C1orf56: variants seen among roughly 807,000 people sequenced by gnomAD.
The protein encoded by C1orf56 is chromosome 1 open reading frame 56, also known as protein MENT.
A neutral mutation model predicts 20.7 loss-of-function variants in C1orf56; 14 were observed. That is an observed-to-expected ratio of 0.68 (90% confidence interval 0.45 to 1.06). The LOEUF is 1.06. Ranked by LOEUF, C1orf56 falls within the 50% of genes least tolerant of loss-of-function variation. C1orf56 has a pLI of 0.00. For synonymous variants in C1orf56, 187 were observed against 194.7 expected (o/e 0.96, Z 0.33); for missense variants, 424 against 451.4 (o/e 0.94, Z 0.55).
chr1:151,050,682 T>C lies in C1orf56; in HGVS notation c.*224T>C. The C allele has an allele frequency of 2.4e-6, 1 of 422,816 alleles. No individual in the cohort carries two copies. The highest frequency in any genetic ancestry group is 4.2e-6 in the Non-Finnish European group (1 of 237,618). 26.2% of individuals were successfully genotyped at this position (422,816 alleles called of 1,614,324 possible). A position where few individuals can be genotyped will look rare whatever the true frequency, so the allele number is the denominator to read the frequency against. ...AGCCTCTGGCTTGTTTTCTACTCCCTGTCCCTCAGGATAAAATGTTGATAT... is the reference window on the plus strand; with the variant it reads ...AGCCTCTGGCTTGTTTTCTACTCCCCGTCCCTCAGGATAAAATGTTGATAT... On this transcript the variant is annotated 3_prime_UTR_variant, in exon 2 of 2. Transcript: ENST00000368926.
rs1287066168 is a variant in C1orf56, at chr1:151,048,329, C to T, written c.482C>T (p.Ser161Phe). ...TSSLPRSPGR[S>F]TEDLPGSQAT... ...AGCCTGCCGCGCTCCCCCGGGAGGT[C>T]TACTGAGGACCTGCCAGGCTCGCAG... The change falls in exon 1 of 2, where the codon TCT (serine) becomes TTT (phenylalanine). Residue 161 changes from serine (S) to phenylalanine (F), a missense_variant. By Grantham distance (155) the Ser-to-Phe change is radical. Transcript: ENST00000368926. This position sits in a 1 kb window ranked among gnomAD's most constrained non-coding sequence, Gnocchi z 4.8. The T allele has an allele frequency of 6.2e-7, 1 of 1,613,988 alleles. No homozygotes were observed. The highest frequency in any genetic ancestry group is 8.5e-7 in the Non-Finnish European group (1 of 1,180,018).
rs771364471 is a variant in C1orf56 at position 151,048,317 on chromosome 1, C to A, written c.470C>A (p.Ser157Tyr). The A allele has an allele frequency of 6.2e-7, 1 of 1,614,124 alleles. No individual in the cohort carries two copies. Among genetic ancestry groups the A allele is most frequent in the East Asian group, 2.2e-5 (1 of 44,874 alleles). ...EIRLTSSLPR[S>Y]PGRSTEDLPG... is the part of the protein sequence containing the mutation. ...AGGCTGACTTCAAGCCTGCCGCGCT[C>A]CCCCGGGAGGTCTACTGAGGACCTG... is the stretch of plus-strand genomic sequence containing the variant. Residue 157 changes from serine to tyrosine, a missense_variant, in exon 1 of 2, where the codon TCC becomes TAC. Physicochemically the swap from Ser to Tyr is moderately radical, Grantham distance 144. Transcript: ENST00000368926. This position sits in a 1 kb window ranked among gnomAD's most constrained non-coding sequence, Gnocchi z 4.8.
Position 151,048,618 on chromosome 1 carries a change from A to G in C1orf56, c.771A>G (p.Arg257=), listed in dbSNP as rs1234936414. 4 of 1,614,178 alleles carry G rather than the reference A, an allele frequency of 2.5e-6. No homozygotes were observed. The highest frequency in any genetic ancestry group is 2.5e-6 in the Non-Finnish European group (3 of 1,180,020). Residue 257 remains arginine, a synonymous_variant, in exon 1 of 2, where the codon CGA becomes CGG. Coordinates refer to ENST00000368926, the MANE Select transcript of C1orf56 (RefSeq NM_017860.5). The surrounding 1 kb of genome is among the most constrained non-coding windows in gnomAD (Gnocchi z 4.8). ...PCTYQQCPCN[R]LREECPLDTS... is the part of the protein sequence containing the mutation. ...CCTATCAACAATGTCCCTGCAACCG[A>G]CTTCGGGAAGAGTGCCCCCTGGACA...
rs1676115657 is a variant in C1orf56, at chr1:151,048,766, C to G, written c.919C>G (p.Pro307Ala). Residue 307 changes from proline (P) to alanine (A), a missense_variant, in exon 1 of 2, where the codon CCA becomes GCA. By Grantham distance (27) the Pro-to-Ala change is conservative. Coordinates refer to ENST00000368926, the MANE Select transcript of C1orf56 (RefSeq NM_017860.5). This position sits in a 1 kb window ranked among gnomAD's most constrained non-coding sequence, Gnocchi z 4.8. ...SPSLPPASPC[P>A]ALAFWKRVRI... ...CAGCCTGCCACCCGCCAGCCCCTGC[C>G]CAGCCCTGGCTTTTTGGAAACGGGT... The G allele has an allele frequency of 6.2e-7, 1 of 1,613,640 alleles. No individual in the cohort carries two copies. Among genetic ancestry groups the G allele is most frequent in the East Asian group, 2.2e-5 (1 of 44,888 alleles).
At position 151,047,805 on chromosome 1, in the gene C1orf56, C is replaced by G. The variant is rs758097746; in HGVS notation, c.-43C>G. The stretch of plus-strand genomic sequence containing the variant: ...GAGGGAGCGAAGGTAGGAGGCAGGG[C>G]TTGCCTCACTGGCCACCCTCCCAAC... On this transcript the variant is annotated 5_prime_UTR_variant, in exon 1 of 2. Coordinates refer to ENST00000368926, the MANE Select transcript of C1orf56 (RefSeq NM_017860.5). 1 of 1,488,394 alleles carries G rather than the reference C, an allele frequency of 6.7e-7. No individual in the cohort carries two copies. Among genetic ancestry groups the G allele is most frequent in the Non-Finnish European group, 8.9e-7 (1 of 1,126,438 alleles). The allele number at this position is 1,488,394 out of a possible 1,614,324, so 92.2% of individuals were successfully genotyped here.
intron 1 of C1orf56, chr1:151,049,620 A>C (rs1218360122): frequency 6.6e-6 from 1 of 151,852 alleles, no homozygotes; most frequent in Non-Finnish European, 1.5e-5. Context: ...TGGCGCAGTC[A>C]CAACTCACTG....
chr1:151,048,090 G>C lies in C1orf56; in HGVS notation c.243G>C (p.Ala81=). Residue 81 remains alanine, a synonymous_variant, in exon 1 of 2, where the codon GCG becomes GCC. Coordinates refer to ENST00000368926, the MANE Select transcript of C1orf56 (RefSeq NM_017860.5). The surrounding 1 kb of genome is among the most constrained non-coding windows in gnomAD (Gnocchi z 4.8). The part of the protein sequence containing the change: ...MADADRLAGP[A]AAELLAATVS... ...ACGCCGACCGCCTGGCTGGACCAGC[G>C]GCTGCCGAGCTCTTGGCCGCCACGG... 1 of 1,613,402 alleles carries C rather than the reference G, an allele frequency of 6.2e-7. No individual in the cohort carries two copies. Among genetic ancestry groups the C allele is most frequent in the Non-Finnish European group, 8.5e-7 (1 of 1,179,994 alleles).
In C1orf56 at chr1:151,048,707, C is replaced by T. The variant is rs746789263; in HGVS notation, c.860C>T (p.Thr287Ile). ...QSTTSTRTTT[T>I]PFPTIHLRSS... Reference sequence around the variant, plus strand: ...ACCACCAGTACCAGGACCACCACTACCCCCTTCCCCACCATCCACCTCAGA... The same window carrying T: ...ACCACCAGTACCAGGACCACCACTATCCCCTTCCCCACCATCCACCTCAGA... Residue 287 changes from threonine (T) to isoleucine (I), a missense_variant, in exon 1 of 2, where the codon ACC (threonine) becomes ATC (isoleucine). By Grantham distance (89) the Thr-to-Ile change is moderately conservative (BLOSUM62 -1). Transcript: ENST00000368926. This position sits in a 1 kb window ranked among gnomAD's most constrained non-coding sequence, Gnocchi z 4.8. 6 of 1,611,626 alleles carry T rather than the reference C, an allele frequency of 3.7e-6. No homozygotes were observed. The highest frequency in any genetic ancestry group is 1.7e-4 in the Middle Eastern group (1 of 6,042).
chr1:151,048,742 A>G lies in C1orf56; in HGVS notation c.895A>G (p.Ser299Gly). 6.2e-7 allele frequency: 1 copy of G among 1,613,714 alleles called. No homozygotes were observed. The highest frequency in any genetic ancestry group is 8.5e-7 in the Non-Finnish European group (1 of 1,179,816). The change falls in exon 1 of 2, where the codon AGC becomes GGC. Residue 299 changes from serine (S) to glycine (G), a missense_variant. Transcript: ENST00000368926. The surrounding 1 kb of genome is among the most constrained non-coding windows in gnomAD (Gnocchi z 4.8). ...FPTIHLRSSPSLPPASPCPAL... is the reference protein window; with the variant it reads ...FPTIHLRSSPGLPPASPCPAL... ...CACCATCCACCTCAGAAGCAGTCCC[A>G]GCCTGCCACCCGCCAGCCCCTGCCC... is the stretch of plus-strand genomic sequence containing the variant.
At chr1:151,049,270 T>C (rs9436019) in intron 1 of C1orf56, among the ~76,000 whole-genome samples, 151,337 of 151,344 alleles carry the variant, frequency 1, 75,665 homozygotes, top group Middle Eastern at 1. Context: ...CCCACCACCA[T>C]GCCCGGCTAA....
At chr1:151,049,369 G>A (rs1438593384) in intron 1 of C1orf56, among the ~76,000 whole-genome samples, 1 of 151,224 alleles carries the variant, frequency 6.6e-6, no homozygotes, top group East Asian at 1.9e-4. Context: ...CACCCGCCTC[G>A]GCCTCCCAAA....
chr1:151,048,177 G>A lies in C1orf56; in HGVS notation c.330G>A (p.Gly110=). ...INEEDGSSEE[G]VVINAGKDST... Reference sequence around the variant, plus strand: ...AGGAGGATGGGTCTTCAGAAGAGGGGGTTGTGATTAATGCCGGAAAGGATA... The same window carrying A: ...AGGAGGATGGGTCTTCAGAAGAGGGAGTTGTGATTAATGCCGGAAAGGATA... Residue 110 remains glycine, a synonymous_variant, in exon 1 of 2, where the codon GGG becomes GGA. Coordinates refer to ENST00000368926, the MANE Select transcript of C1orf56 (RefSeq NM_017860.5). The surrounding 1 kb of genome is among the most constrained non-coding windows in gnomAD (Gnocchi z 4.8). 3 of 1,614,220 alleles carry A rather than the reference G, an allele frequency of 1.9e-6. No homozygotes were observed. In the South Asian group the frequency reaches 3.3e-5, roughly 18 times the overall value.
In C1orf56 at chr1:151,048,236, A is replaced by T. The variant is rs191147545; in HGVS notation, c.389A>T (p.Asn130Ile). The change falls in exon 1 of 2, where the codon AAT becomes ATT. Residue 130 changes from asparagine (N) to isoleucine (I), a missense_variant. Coordinates refer to ENST00000368926, the MANE Select transcript of C1orf56 (RefSeq NM_017860.5). The surrounding 1 kb of genome is among the most constrained non-coding windows in gnomAD (Gnocchi z 4.8). ...TSRELPSATP[N>I]TAGSSSTRFI... The stretch of plus-strand genomic sequence containing the variant: ...AGAGAGCTTCCCAGTGCGACTCCCA[A>T]TACAGCGGGGAGTTCCAGCACGAGG... 1 of 1,614,228 alleles carries T rather than the reference A, an allele frequency of 6.2e-7. No individual in the cohort carries two copies. Among genetic ancestry groups the T allele is most frequent in the East Asian group, 2.2e-5 (1 of 44,872 alleles).
chr1:151,048,678 G>A lies in C1orf56; in HGVS notation c.831G>A (p.Gln277=). 2 of 1,612,760 alleles carry A rather than the reference G, an allele frequency of 1.2e-6. No homozygotes were observed. Among genetic ancestry groups the A allele is most frequent in the Non-Finnish European group, 1.7e-6 (2 of 1,179,282 alleles). Residue 277 remains glutamine, a synonymous_variant, in exon 1 of 2, where the codon CAG becomes CAA. Transcript: ENST00000368926. The surrounding 1 kb of genome is among the most constrained non-coding windows in gnomAD (Gnocchi z 4.8). ...SLCTDTNCAS[Q]STTSTRTTTT... ...GTACTGACACCAACTGTGCCTCTCA[G>A]AGCACCACCAGTACCAGGACCACCA...
chr1:151,048,722 T>C lies in C1orf56; in HGVS notation c.875T>C (p.Ile292Thr). ...TRTTTTPFPT[I>T]HLRSSPSLPP... Reference sequence around the variant, plus strand: ...ACCACCACTACCCCCTTCCCCACCATCCACCTCAGAAGCAGTCCCAGCCTG... The same window carrying C: ...ACCACCACTACCCCCTTCCCCACCACCCACCTCAGAAGCAGTCCCAGCCTG... The change falls in exon 1 of 2, where the codon ATC becomes ACC. Residue 292 changes from isoleucine to threonine, a missense_variant. Transcript: ENST00000368926. The surrounding 1 kb of genome is among the most constrained non-coding windows in gnomAD (Gnocchi z 4.8). 1 of 1,612,846 alleles carries C rather than the reference T, an allele frequency of 6.2e-7. No homozygotes were observed. The highest frequency in any genetic ancestry group is 2.2e-5 in the East Asian group (1 of 44,882).
Position 151,047,847 on chromosome 1 carries a change from C to T in C1orf56, c.-1C>T, listed in dbSNP as rs1203119775. The T allele has an allele frequency of 1.9e-6, 3 of 1,569,524 alleles. No homozygotes were observed. The South Asian group carries it at 3.6e-5, about 19-fold the overall frequency. Reference sequence around the variant, plus strand: ...CCTCCCAACCCCAAGAGCCCAGCCCCATGGTCCCCGCCGCCGGCGCGCTGC... The same window carrying T: ...CCTCCCAACCCCAAGAGCCCAGCCCTATGGTCCCCGCCGCCGGCGCGCTGC... On this transcript the variant is annotated 5_prime_UTR_variant, in exon 1 of 2. Coordinates refer to ENST00000368926, the MANE Select transcript of C1orf56 (RefSeq NM_017860.5).
In C1orf56 at chr1:151,048,964, T is replaced by TA; in HGVS notation, c.1005+113dup. Reference sequence around the variant, plus strand: ...TTGCTTACATGAACTGTTACTGACTTACCTGGTTATTGATTCATAACATGC... The same window carrying TA: ...TTGCTTACATGAACTGTTACTGACTTAACCTGGTTATTGATTCATAACATGC... On this transcript the variant is annotated intron_variant, in intron 1 of 1. Transcript: ENST00000368926. The surrounding 1 kb of genome is among the most constrained non-coding windows in gnomAD (Gnocchi z 4.8). 7.0e-7 allele frequency: 1 copy of TA among 1,428,690 alleles called. No homozygotes were observed. Among genetic ancestry groups the TA allele is most frequent in the South Asian group, 1.5e-5 (1 of 65,758 alleles). 88.5% of individuals were successfully genotyped at this position (1,428,690 alleles called of 1,614,324 possible). A position where few individuals can be genotyped will look rare whatever the true frequency, so the allele number is the denominator to read the frequency against.
chr1:151,048,192 C>G lies in C1orf56; in HGVS notation c.345C>G (p.Ala115=), dbSNP rs755142918. The G allele has an allele frequency of 9.9e-6, 16 of 1,614,198 alleles. No individual in the cohort carries two copies. In the South Asian group the frequency reaches 1.6e-4, roughly 17 times the overall value. Residue 115 remains alanine (A), a synonymous_variant, in exon 1 of 2, where the codon GCC becomes GCG. Transcript: ENST00000368926. This position sits in a 1 kb window ranked among gnomAD's most constrained non-coding sequence, Gnocchi z 4.8. ...GSSEEGVVIN[A]GKDSTSRELP... is the part of the protein sequence containing the mutation. ...CAGAAGAGGGGGTTGTGATTAATGC[C>G]GGAAAGGATAGCACCAGCAGAGAGC...
At chr1:151,050,150 C>T (rs1014340848) in intron 1 of C1orf56, among the ~76,000 whole-genome samples, 6 of 152,250 alleles carry the variant, frequency 3.9e-5, no homozygotes, top group Middle Eastern at 3.2e-3. Context: ...CTCTGCTTTT[C>T]CCAGAATTAG....
Sources: allele counts gnomAD v4.1 joint callset (sites outside exome capture counted in the v4.1 genomes callset), GRCh38; gene constraint gnomAD v4.1.1; non-coding constraint Gnocchi (gnomAD v3.1); transcripts MANE v1.5; gene names NCBI Gene and HGNC (gene_info 2026-07-23, HGNC 2026-07-21).